The following NBPF11 variants were observed in gnomAD, a reference collection of about 807,000 sequenced individuals.
NBPF11 encodes the protein NBPF member 11.
In NBPF11, 72 loss-of-function variants were observed where a neutral mutation model predicts 93.9. The ratio of observed to expected loss-of-function variants is 0.77; its 90% CI spans 0.63 to 0.93. The LOEUF is 0.93. NBPF11 is among the 40% of genes least tolerant of loss of function. The pLI is 0.00. For synonymous variants in NBPF11, 224 were observed against 304.9 expected (o/e 0.73, Z 2.76); for missense variants, 705 against 802.2 (o/e 0.88, Z 1.46).
intron 1 of NBPF11, chr1:148,146,340 G>A (rs1553276846): frequency 2.2e-5 from 32 of 1,433,586 alleles, no homozygotes; most frequent in Admixed American, 2.0e-4. Context: ...GGGCCAGGCC[G>A]GGCGGCGTTG....
chr1:148,103,803 G>T lies in NBPF11; in HGVS notation c.*93C>A. 1.9e-6 allele frequency: 3 copies of T among 1,611,864 alleles called. No homozygotes were observed. The highest frequency in any genetic ancestry group is 2.5e-6 in the Non-Finnish European group (3 of 1,179,466). On this transcript the variant is annotated 3_prime_UTR_variant, in exon 24 of 24. Coordinates refer to ENST00000682118, the MANE Select transcript of NBPF11 (RefSeq NM_001385469.3). ...AATGAGTAAAACACACTTCTGTAGTGCTGGAATGAGTCAGGTAGTTCAAAG... is the reference window on the plus strand; with the variant it reads ...AATGAGTAAAACACACTTCTGTAGTTCTGGAATGAGTCAGGTAGTTCAAAG...
chr1:148,146,687 G>C, intron 1 of NBPF11: 1 of 1,611,856 alleles, frequency 6.2e-7, no homozygotes, highest in Admixed American at 1.7e-5. Flanking sequence ...CGCGGCAACC[G>C]TGTCTCCTGC....
chr1:148,122,778 C>G lies in NBPF11; in HGVS notation c.517G>C (p.Asp173His). 6.2e-7 allele frequency: 1 copy of G among 1,610,048 alleles called. No individual in the cohort carries two copies. Among genetic ancestry groups the G allele is most frequent in the Non-Finnish European group, 8.5e-7 (1 of 1,177,732 alleles). Reference protein sequence around the residue: ...SPENDEDEDEDVQVEEDEKVL... With the variant: ...SPENDEDEDEHVQVEEDEKVL... ...TTCTCATCCTCCTCAACTTGAACAT[C>G]TTCATCCTCATCTTCGTCATTTTCT... Residue 173 changes from aspartate (D) to histidine (H), a missense_variant, in exon 8 of 24, where the codon GAT becomes CAT. Physicochemically the swap from Asp to His is moderately conservative, Grantham distance 81 (BLOSUM62 -1). Coordinates refer to ENST00000682118, the MANE Select transcript of NBPF11 (RefSeq NM_001385469.3).
Position 148,146,984 on chromosome 1 carries a change from C to A in NBPF11, c.-548-3298G>T, listed in dbSNP as rs1185744958. On this transcript the variant is annotated intron_variant, in intron 1 of 23. Coordinates refer to ENST00000682118, the MANE Select transcript of NBPF11 (RefSeq NM_001385469.3). ...CCCAAGAGGGGACCAGGCGGGGGGC[C>A]GGGGGGCGGGCTTCCCTGGGAGGAA... 15 of 1,430,904 alleles carry A rather than the reference C, an allele frequency of 1.0e-5. No homozygotes were observed. The East Asian group carries it at 3.3e-4, about 31-fold the overall frequency. The allele number at this position is 1,430,904 out of a possible 1,614,324, so 88.6% of individuals were successfully genotyped here.
chr1:148,146,928 G>T, intron 1 of NBPF11: 2 of 1,604,508 alleles, frequency 1.2e-6, no homozygotes, highest in East Asian at 4.5e-5. Flanking sequence ...CCAGGTGAGG[G>T]CGACCCTGGG....
intron 17 of NBPF11, among the ~76,000 whole-genome samples, 188 bp from the exon 18 acceptor site, chr1:148,108,842 GACACACACACACACACACACAC>G (rs71270029): frequency 1.3e-4 from 15 of 112,810 alleles, no homozygotes; most frequent in East Asian, 2.8e-4. Flanking sequence ...GAAAGAGAAA[GACACACACACACACACACACAC>G]ACACACACAC....
intron 10 of NBPF11, among the ~76,000 whole-genome samples, chr1:148,119,151 A>G (rs1325097733): frequency 6.9e-6 from 1 of 144,344 alleles, no homozygotes; most frequent in Non-Finnish European, 1.5e-5. Context: ...TGGGAATTTC[A>G]AGGACAAGTA....
At position 148,103,351 on chromosome 1, in the gene NBPF11, C is replaced by G; in HGVS notation, c.*545G>C. 1 of 421,196 alleles carries G rather than the reference C, an allele frequency of 2.4e-6. No homozygotes were observed. Among genetic ancestry groups the G allele is most frequent in the Non-Finnish European group, 4.4e-6 (1 of 226,762 alleles). The allele number at this position is 421,196 out of a possible 1,614,324, so 26.1% of individuals were successfully genotyped here. A position where few individuals can be genotyped will look rare whatever the true frequency, so the allele number is the denominator to read the frequency against. Reference sequence around the variant, plus strand: ...CTGACCTTGAGCAGGTATAGAAGCTCAGAGACATGCCTGCAAAATGAAATC... The same window carrying G: ...CTGACCTTGAGCAGGTATAGAAGCTGAGAGACATGCCTGCAAAATGAAATC... On this transcript the variant is annotated 3_prime_UTR_variant, in exon 24 of 24. Coordinates refer to ENST00000682118, the MANE Select transcript of NBPF11 (RefSeq NM_001385469.3).
At chr1:148,123,626 C>T (rs1480826532) in intron 7 of NBPF11, among the ~76,000 whole-genome samples, 2 of 151,804 alleles carry the variant, frequency 1.3e-5, no homozygotes, top group Non-Finnish European at 2.9e-5. Context: ...CCTCTTGCTC[C>T]AAAGACCACC....
rs2149235918 is a variant in NBPF11 at position 148,122,158 on chromosome 1, C to T, written c.675G>A (p.Lys225=). 5.0e-6 allele frequency: 8 copies of T among 1,613,096 alleles called. No individual in the cohort carries two copies. The East Asian group carries it at 1.1e-4, about 22-fold the overall frequency. ...HGPCDSIQPH[K]NIKITFEEDK... is the part of the protein sequence containing the mutation. ...CTTCCTCAAATGTGATTTTGATGTTCTTGTGAGGCTGGATGGAGTCACAAG... is the reference window on the plus strand; with the variant it reads ...CTTCCTCAAATGTGATTTTGATGTTTTTGTGAGGCTGGATGGAGTCACAAG... Residue 225 remains lysine (K), a synonymous_variant, in exon 9 of 24, where the codon AAG becomes AAA. Coordinates refer to ENST00000682118, the MANE Select transcript of NBPF11 (RefSeq NM_001385469.3).
chr1:148,118,150 C>T (rs1666999732), intron 11 of NBPF11, among the ~76,000 whole-genome samples: 1 of 144,454 alleles, frequency 6.9e-6, no homozygotes, highest in Non-Finnish European at 1.5e-5. Context: ...GATACAAAGC[C>T]ATGTACAGAA....
At chr1:148,126,191 G>T (rs1181063696) in intron 5 of NBPF11, among the ~76,000 whole-genome samples, 1 of 151,866 alleles carries the variant, frequency 6.6e-6, no homozygotes, top group Non-Finnish European at 1.5e-5. Context: ...AGTGGAGACG[G>T]GGTTTCTCCA....
intron 4 of NBPF11, among the ~76,000 whole-genome samples, chr1:148,134,315 C>G (rs1269623927): frequency 1.3e-5 from 2 of 151,350 alleles, no homozygotes; most frequent in East Asian, 1.9e-4. Context: ...ATACTCAGTG[C>G]CAGAGCAGGG....
chr1:148,150,046 A>T (rs1157897111), intron 1 of NBPF11, among the ~76,000 whole-genome samples: 2 of 151,852 alleles, frequency 1.3e-5, no homozygotes, highest in Admixed American at 1.3e-4. Context: ...TTTATCATTC[A>T]TATAGCTCTA....
intron 1 of NBPF11, among the ~76,000 whole-genome samples, chr1:148,148,827 C>T (rs1403450520): frequency 6.6e-6 from 1 of 151,886 alleles, no homozygotes; most frequent in Non-Finnish European, 1.5e-5. Flanking sequence ...CCAGTGTGCA[C>T]CTAGGGGTGA....
chr1:148,133,215 T>C (rs1487843312), intron 4 of NBPF11, among the ~76,000 whole-genome samples: 7 of 151,792 alleles, frequency 4.6e-5, no homozygotes, highest in Non-Finnish European at 1.0e-4. Context: ...TGATTAGTTC[T>C]GGTAGATTTT....
intron 12 of NBPF11, 100 bp from the exon 13 acceptor site, chr1:148,116,635 T>C: frequency 1.7e-6 from 1 of 597,882 alleles, no homozygotes; most frequent in South Asian, 2.0e-5. Context: ...TAGGCATGGG[T>C]CACCGTTCAA....
chr1:148,118,669 A>T lies in NBPF11; in HGVS notation c.1042T>A (p.Phe348Ile), dbSNP rs1237795313. The T allele has an allele frequency of 6.7e-5, 108 of 1,613,114 alleles. No individual in the cohort carries two copies. In the African/African-American group the frequency reaches 1.3e-3, roughly 19 times the overall value. The change falls in exon 11 of 24, where the codon TTC (phenylalanine) becomes ATC (isoleucine). Residue 348 changes from phenylalanine (F) to isoleucine (I), a missense_variant. Physicochemically the swap from Phe to Ile is conservative, Grantham distance 21. Around this residue, in one of 12 missense-constraint regions of NBPF11, gnomAD observed 262 missense variants for 223.1 expected, o/e 1.17. Coordinates refer to ENST00000682118, the MANE Select transcript of NBPF11 (RefSeq NM_001385469.3). ...IKSMLRNERQFKEEKLAEQLK... is the reference protein window; with the variant it reads ...IKSMLRNERQIKEEKLAEQLK... ...TGCTCTGCAAGCTTCTCCTCCTTGA[A>T]CTGTCGCTCATTCCTCAGCATAGAT...
At position 148,126,902 on chromosome 1, in the gene NBPF11, C is replaced by G. The variant is rs1553273270; in HGVS notation, c.102G>C (p.Gln34His). ...AACATCTCTCTTTGAGGTTTCTGAACTGCTGTTTGTTCTCTGCCAACTGGG... is the reference window on the plus strand; with the variant it reads ...AACATCTCTCTTTGAGGTTTCTGAAGTGCTGTTTGTTCTCTGCCAACTGGG... ...LRPQLAENKQ[Q>H]FRNLKERCFL... Residue 34 changes from glutamine to histidine, a missense_variant, in exon 5 of 24, where the codon CAG (glutamine) becomes CAC (histidine). Around this residue, in one of 12 missense-constraint regions of NBPF11, gnomAD observed 128 missense variants for 112.8 expected, o/e 1.14. Coordinates refer to ENST00000682118, the MANE Select transcript of NBPF11 (RefSeq NM_001385469.3). 14 of 1,410,416 alleles carry G rather than the reference C, an allele frequency of 9.9e-6. No individual in the cohort carries two copies. In the African/African-American group the frequency reaches 1.5e-4, roughly 15 times the overall value. The allele number at this position is 1,410,416 out of a possible 1,614,324, so 87.4% of individuals were successfully genotyped here.
Sources: gnomAD v4.1 joint callset for allele counts (sites outside exome capture counted in the v4.1 genomes callset) on GRCh38, gnomAD v4.1.1 for gene constraint, gnomAD v4.1.1 regional missense constraint, MANE v1.5 for transcripts, NCBI Gene and HGNC (gene_info 2026-07-23, HGNC 2026-07-21) for gene names.